S100Z: variants seen among roughly 807,000 people sequenced by gnomAD.
S100Z encodes S100 calcium binding protein Z.
In S100Z, 11 loss-of-function variants were observed where a neutral mutation model predicts 8.5. That is an observed-to-expected ratio of 1.30 (90% CI 0.82 to 2.15). The LOEUF (loss-of-function observed/expected upper bound fraction) is 2.15, where lower values mean the gene tolerates loss of function less well. Among genes scored for constraint, S100Z ranks in the 30% most tolerant of loss-of-function variants. The pLI is 0.00. For missense variants in S100Z, 126 were observed against 117.9 expected (o/e 1.07, Z -0.32); for synonymous variants, 34 against 43.8 (o/e 0.78, Z 0.89).
At chr5:76,932,544 G>C in the S100Z span, among the ~76,000 whole-genome samples, 10 of 152,066 alleles carry the variant, frequency 6.6e-5, no homozygotes, top group Admixed American at 3.3e-4. Flanking sequence ...AGCAGAGATG[G>C]GGTTTCATCA....
chr5:76,880,066 A>G (rs975989283), intron 4 of S100Z, among the ~76,000 whole-genome samples: 2 of 152,154 alleles, frequency 1.3e-5, no homozygotes, highest in Non-Finnish European at 2.9e-5. Flanking sequence ...TGGAGTTAGG[A>G]GCAATGTTTT....
At chr5:76,933,651 G>C in the S100Z span, among the ~76,000 whole-genome samples, 2 of 152,204 alleles carry the variant, frequency 1.3e-5, no homozygotes, top group East Asian at 3.9e-4. Context: ...TAGGGTACAG[G>C]AATTATTGTT....
At chr5:76,951,661 T>C in the S100Z span, among the ~76,000 whole-genome samples, 2 of 152,220 alleles carry the variant, frequency 1.3e-5, no homozygotes, top group African/African-American at 4.8e-5. Flanking sequence ...TTTCTCCTCT[T>C]TTATTCCTCC....
intron 1 of S100Z, among the ~76,000 whole-genome samples, chr5:76,853,524 G>A (rs935684550): frequency 5.3e-5 from 8 of 152,176 alleles, no homozygotes; most frequent in Admixed American, 4.6e-4. Context: ...GGCCGGATGT[G>A]TTGGCTCCCA....
At chr5:76,935,338 T>A in the S100Z span, among the ~76,000 whole-genome samples, 4 of 152,186 alleles carry the variant, frequency 2.6e-5, no homozygotes, top group Admixed American at 2.0e-4. Context: ...CAGGTGACAA[T>A]ATGGAATTAA....
At chr5:76,861,378 C>T (rs1015849021) in intron 1 of S100Z, among the ~76,000 whole-genome samples, 8 of 151,028 alleles carry the variant, frequency 5.3e-5, no homozygotes, top group South Asian at 2.1e-4. Flanking sequence ...CTTGCTCTTT[C>T]GCCCAGGCTG....
intron 4 of S100Z, among the ~76,000 whole-genome samples, chr5:76,895,765 C>CTTTTT (rs57723242): frequency 2.3e-5 from 2 of 88,370 alleles, no homozygotes; most frequent in South Asian, 3.7e-4. Flanking sequence ...TCTTTTCTTC[C>CTTTTT]TTTTTTTTTT....
At chr5:76,897,849 C>T (rs1744095286) in intron 4 of S100Z, among the ~76,000 whole-genome samples, 1 of 152,128 alleles carries the variant, frequency 6.6e-6, no homozygotes. Flanking sequence ...TGGAACTTTA[C>T]TGAATTTGTT....
the S100Z span, among the ~76,000 whole-genome samples, chr5:76,949,662 T>C: frequency 6.6e-5 from 10 of 152,342 alleles, no homozygotes; most frequent in Non-Finnish European, 1.5e-4. Flanking sequence ...TACTACAGCA[T>C]GGATGAAACT....
chr5:76,921,914 A>G (rs939257978), downstream of S100Z, among the ~76,000 whole-genome samples: 1 of 151,816 alleles, frequency 6.6e-6, no homozygotes, highest in Non-Finnish European at 1.5e-5. Flanking sequence ...GTTTGAACTC[A>G]GGAGGCAGAG....
intron 1 of S100Z, among the ~76,000 whole-genome samples, chr5:76,869,494 C>T (rs185700410): frequency 1.3e-4 from 20 of 152,242 alleles, no homozygotes; most frequent in African/African-American, 4.8e-4. Context: ...ATGGGAGCTC[C>T]CAACACCATG....
chr5:76,861,548 A>G lies in S100Z; in HGVS notation c.-175-8618A>G, dbSNP rs1389598409. Among the ~76,000 whole-genome samples, 3 of 152,194 alleles carry G rather than the reference A, an allele frequency of 2.0e-5. No individual in the cohort carries two copies. The East Asian group carries it at 5.8e-4, about 29-fold the overall frequency. On this transcript the variant is annotated intron_variant, in intron 1 of 4. Coordinates refer to ENST00000317593, the MANE Select transcript of S100Z (RefSeq NM_130772.4). Reference sequence around the variant, plus strand: ...GAGACGGGGTTTCGCCATGTTGGCCAGGCTGGTCTCGAACTCCTGACCTCA... The same window carrying G: ...GAGACGGGGTTTCGCCATGTTGGCCGGGCTGGTCTCGAACTCCTGACCTCA...
intron 4 of S100Z, among the ~76,000 whole-genome samples, chr5:76,912,842 AAG>A (rs1199855142): frequency 6.6e-6 from 1 of 151,392 alleles, no homozygotes; most frequent in Non-Finnish European, 1.5e-5. Flanking sequence ...AAGAGACAGA[AAG>A]AGAGAGAGAG....
chr5:76,940,088 C>T, the S100Z span, among the ~76,000 whole-genome samples: 6 of 142,204 alleles, frequency 4.2e-5, no homozygotes, highest in Non-Finnish European at 6.0e-5. Flanking sequence ...GCCCAGAAGG[C>T]GGAGGTTGCA....
chr5:76,917,620 C>T (rs1474574003), intron 4 of S100Z, among the ~76,000 whole-genome samples: 1 of 152,040 alleles, frequency 6.6e-6, no homozygotes, highest in Non-Finnish European at 1.5e-5. Flanking sequence ...GCCAGGGGTT[C>T]GAGACCAGCC....
downstream of S100Z, among the ~76,000 whole-genome samples, chr5:76,925,778 C>T (rs1745128299): frequency 6.6e-6 from 1 of 152,062 alleles, no homozygotes; most frequent in African/African-American, 2.4e-5. Flanking sequence ...ACTACCCTGG[C>T]TAACATGGTG....
downstream of S100Z, among the ~76,000 whole-genome samples, chr5:76,924,529 T>TA (rs1745101831): frequency 6.6e-6 from 1 of 152,136 alleles, no homozygotes; most frequent in Non-Finnish European, 1.5e-5. Context: ...CCGGAGAAGT[T>TA]AGGTCTGGAT....
the S100Z span, among the ~76,000 whole-genome samples, chr5:76,941,569 G>A: frequency 4.3e-4 from 65 of 152,278 alleles, no homozygotes; most frequent in African/African-American, 1.5e-3. Context: ...CCAGTCTTGG[G>A]TATGTACTTA....
chr5:76,928,344 TG>T, the S100Z span, among the ~76,000 whole-genome samples: 5 of 152,222 alleles, frequency 3.3e-5, no homozygotes, highest in African/African-American at 1.2e-4. Context: ...ATCTTTTACT[TG>T]GTAGAATCAA....
Sources: allele counts gnomAD v4.1 joint callset (sites outside exome capture counted in the v4.1 genomes callset), GRCh38; gene constraint gnomAD v4.1.1; transcripts MANE v1.5; gene names NCBI Gene and HGNC (gene_info 2026-07-23, HGNC 2026-07-21).